Variants in FAM210A observed in about 807,000 individuals in gnomAD.
The protein encoded by FAM210A is family with sequence similarity 210 member A.
Under a neutral mutation model 25.3 loss-of-function variants are expected in FAM210A, and 13 were observed. That is an observed-to-expected ratio of 0.51 (90% CI 0.33 to 0.82). The LOEUF (loss-of-function observed/expected upper bound fraction) is 0.82. FAM210A is among the 40% of genes least tolerant of loss of function. The pLI is 0.02. For synonymous variants in FAM210A, 125 were observed against 118.7 expected (o/e 1.05, Z -0.35); for missense variants, 319 against 323.2 (o/e 0.99, Z 0.10).
At chr18:13,669,283 C>T (rs1395662352) in intron 3 of FAM210A, among the ~76,000 whole-genome samples, 1 of 152,202 alleles carries the variant, frequency 6.6e-6, no homozygotes, top group Non-Finnish European at 1.5e-5. Flanking sequence ...TTTGATGGAA[C>T]AGAGGCAGGA....
At chr18:13,725,489 C>T (rs936470312) in intron 1 of FAM210A, among the ~76,000 whole-genome samples, 7 of 152,058 alleles carry the variant, frequency 4.6e-5, no homozygotes, top group Non-Finnish European at 8.8e-5. Flanking sequence ...TATACCTGTG[C>T]CTACTGACAA....
At chr18:13,676,064 C>T (rs149773214) in intron 2 of FAM210A, among the ~76,000 whole-genome samples, 25,574 of 125,378 alleles carry the variant, frequency 0.2, 5,141 homozygotes, top group Non-Finnish European at 0.29. Flanking sequence ...ATTAACATTC[C>T]TGAGCCGTGG....
At chr18:13,717,838 G>C (rs1288398517) in intron 1 of FAM210A, among the ~76,000 whole-genome samples, 1 of 152,146 alleles carries the variant, frequency 6.6e-6, no homozygotes, top group Non-Finnish European at 1.5e-5. Flanking sequence ...AGATGGAAAG[G>C]ACTTCATCTT....
Position 13,678,235 on chromosome 18 carries a change from C to T in FAM210A, c.473+3370G>A, listed in dbSNP as rs1354380186. ...ACTCCAAGCACAAGCTGTATTGTCA[C>T]TGGCCTGCATCCTTTGTCAGATAAA... On this transcript the variant is annotated intron_variant, in intron 2 of 3. Coordinates refer to ENST00000651643, the MANE Select transcript of FAM210A (RefSeq NM_152352.4). 2.0e-5 allele frequency among the ~76,000 whole-genome samples: 3 copies of T among 152,098 alleles called. No individual in the cohort carries two copies. The East Asian group carries it at 5.8e-4, about 29-fold the overall frequency.
intron 1 of FAM210A, among the ~76,000 whole-genome samples, chr18:13,717,250 T>C (rs2149070884): frequency 6.6e-6 from 1 of 152,332 alleles, no homozygotes; most frequent in East Asian, 1.9e-4. Flanking sequence ...AAGGATCATT[T>C]TGAACTAGAG....
chr18:13,671,799 G>T, intron 3 of FAM210A, 63 bp downstream of exon 3: 2 of 991,770 alleles, frequency 2.0e-6, no homozygotes, highest in Non-Finnish European at 1.6e-6. Context: ...GGAATCTCAT[G>T]GGAAAGTGAG....
intron 2 of FAM210A, among the ~76,000 whole-genome samples, chr18:13,677,826 C>A (rs1224427050): frequency 6.6e-6 from 1 of 152,062 alleles, no homozygotes; most frequent in African/African-American, 2.4e-5. Context: ...ATTATGATAA[C>A]GGTAGCGGTA....
At chr18:13,687,749 C>T (rs1027415755) in intron 1 of FAM210A, 1 of 152,234 alleles carries the variant, frequency 6.6e-6, no homozygotes, top group African/African-American at 2.4e-5. Flanking sequence ...TTACCCTTCA[C>T]ATGCCCGCTT....
intron 2 of FAM210A, among the ~76,000 whole-genome samples, chr18:13,677,354 G>A (rs149510087): frequency 0.018 from 2,732 of 152,274 alleles, 31 homozygotes; most frequent in Middle Eastern, 0.061. Context: ...GATTACAGGC[G>A]TGAGCCATCA....
Position 13,666,403 on chromosome 18 carries a change from T to A in FAM210A, c.*77A>T, listed in dbSNP as rs2043401385. The A allele has an allele frequency of 2.5e-6, 3 of 1,180,774 alleles. No individual in the cohort carries two copies. In the South Asian group the frequency reaches 4.5e-5, roughly 18 times the overall value. 73.1% of individuals were successfully genotyped at this position (1,180,774 alleles called of 1,614,324 possible). On this transcript the variant is annotated 3_prime_UTR_variant, in exon 4 of 4. Transcript: ENST00000651643. ...TTTCGGCAACTAACCAAAAAAATAA[T>A]CAGACACATGTATCTTTGCCCATAG... is the stretch of plus-strand genomic sequence containing the variant.
At chr18:13,706,618 T>C (rs1482844448) in intron 1 of FAM210A, among the ~76,000 whole-genome samples, 3 of 152,190 alleles carry the variant, frequency 2.0e-5, no homozygotes, top group African/African-American at 7.2e-5. Context: ...TGTTAGGTCC[T>C]TTTTTCACGG....
chr18:13,698,795 G>A (rs754894733), intron 1 of FAM210A, among the ~76,000 whole-genome samples: 11 of 152,150 alleles, frequency 7.2e-5, no homozygotes, highest in East Asian at 1.9e-4. Context: ...GATATCCTCC[G>A]GGGCAGCAAG....
At chr18:13,683,948 C>T (rs2043575747) in intron 1 of FAM210A, among the ~76,000 whole-genome samples, 1 of 152,118 alleles carries the variant, frequency 6.6e-6, no homozygotes, top group African/African-American at 2.4e-5. Flanking sequence ...AATTATCCAC[C>T]TACAAAAATT....
chr18:13,709,364 C>G (rs1260581514), intron 1 of FAM210A, among the ~76,000 whole-genome samples: 1 of 152,244 alleles, frequency 6.6e-6, no homozygotes, highest in African/African-American at 2.4e-5. Flanking sequence ...GGGCTTGCAG[C>G]TCTGCCCATA....
Position 13,706,990 on chromosome 18 carries a change from G to A in FAM210A, c.-29+19339C>T, listed in dbSNP as rs140661034. ...TCCAAACTCTTGGTACTATCCTCCC[G>A]ACAGTCATGATAACAGTCTCCCTGG... On this transcript the variant is annotated intron_variant, in intron 1 of 3. Transcript: ENST00000651643. Among the ~76,000 whole-genome samples, 342 of 152,244 alleles carry A rather than the reference G, an allele frequency of 2.2e-3. 4 individuals are homozygous for A. Among genetic ancestry groups the A allele is most frequent in the African/African-American group, 8.0e-3 (332 of 41,534 alleles).
chr18:13,683,708 A>C (rs1260242636), intron 1 of FAM210A, among the ~76,000 whole-genome samples: 2 of 152,092 alleles, frequency 1.3e-5, no homozygotes, highest in African/African-American at 4.8e-5. Flanking sequence ...ATCAGGTGGT[A>C]CCACACATGC....
At chr18:13,721,026 C>A (rs2043894074) in intron 1 of FAM210A, among the ~76,000 whole-genome samples, 1 of 152,182 alleles carries the variant, frequency 6.6e-6, no homozygotes, top group Non-Finnish European at 1.5e-5. Flanking sequence ...AGTATGACCT[C>A]ATCTTATCTA....
Position 13,680,761 on chromosome 18 carries a change from G to A in FAM210A, c.473+844C>T, listed in dbSNP as rs536272001. 5.3e-5 allele frequency among the ~76,000 whole-genome samples: 8 copies of A among 152,198 alleles called. No homozygotes were observed. The South Asian group carries it at 8.3e-4, about 16-fold the overall frequency. ...TTACTGAAGTGTCTAAGTCCTTCAC[G>A]CACACCAGGCCCGGACACTGAGGAA... On this transcript the variant is annotated intron_variant, in intron 2 of 3. Transcript: ENST00000651643.
chr18:13,691,090 C>A (rs540963163), intron 1 of FAM210A, among the ~76,000 whole-genome samples: 10 of 152,064 alleles, frequency 6.6e-5, no homozygotes, highest in Admixed American at 1.3e-4. Flanking sequence ...AACCATAGCA[C>A]GAGAACTACG....
Sources: allele counts gnomAD v4.1 joint callset (sites outside exome capture counted in the v4.1 genomes callset), GRCh38; gene constraint gnomAD v4.1.1; transcripts MANE v1.5; gene names NCBI Gene and HGNC (gene_info 2026-07-23, HGNC 2026-07-21).